The following CCDC171 variants were observed in gnomAD, a reference collection of about 807,000 sequenced individuals.
CCDC171 encodes the protein coiled-coil domain containing 171.
CCDC171 carries 177 observed loss-of-function variants against 168.2 expected under a neutral mutation model. The ratio of observed to expected loss-of-function variants is 1.05; its 90% CI spans 0.93 to 1.19. The LOEUF (loss-of-function observed/expected upper bound fraction) is 1.19, where lower values mean the gene tolerates loss of function less well. Among genes scored for constraint, CCDC171 ranks in the 50% most tolerant of loss-of-function variants. The pLI, the probability that CCDC171 is intolerant of heterozygous loss-of-function variation, is 0.00. For synonymous variants in CCDC171, 687 were observed against 540.8 expected, an observed-to-expected ratio of 1.27 and a Z score of -3.75; for missense variants, 1,991 against 1,539.0, an observed-to-expected ratio of 1.29 and a Z score of -4.91.
chr9:15,744,074 A>G (rs1373486128), intron 16 of CCDC171, among the ~76,000 whole-genome samples, 199 bp from the exon 17 acceptor site: 1 of 152,234 alleles, frequency 6.6e-6, no homozygotes, highest in East Asian at 1.9e-4. Context: ...TTTAAAAATC[A>G]ATGTGCACAT....
chr9:15,968,772 C>G (rs777538842), intron 25 of CCDC171, among the ~76,000 whole-genome samples: 9 of 152,158 alleles, frequency 5.9e-5, no homozygotes, highest in Non-Finnish European at 1.2e-4. Context: ...TTCCTGACCT[C>G]AGGTGATCCA....
chr9:15,789,051 G>C (rs575820142), intron 21 of CCDC171, among the ~76,000 whole-genome samples: 40 of 152,194 alleles, frequency 2.6e-4, no homozygotes, highest in African/African-American at 7.2e-4. Flanking sequence ...TCAAACGTCA[G>C]TATGTGGAAA....
chr9:15,711,318 C>T (rs1326856005), intron 11 of CCDC171, among the ~76,000 whole-genome samples: 1 of 152,064 alleles, frequency 6.6e-6, no homozygotes, highest in Non-Finnish European at 1.5e-5. Context: ...ACTTTAAATT[C>T]TTCATCTTGT....
intron 23 of CCDC171, among the ~76,000 whole-genome samples, chr9:15,863,612 A>G (rs1373494989): frequency 2.0e-5 from 3 of 151,656 alleles, no homozygotes; most frequent in Admixed American, 6.6e-5. Context: ...TTTGGAAGAC[A>G]TTGTTCTCAT....
chr9:15,863,371 A>G (rs775072166), intron 23 of CCDC171, among the ~76,000 whole-genome samples: 8 of 152,010 alleles, frequency 5.3e-5, no homozygotes, highest in Non-Finnish European at 1.5e-5. Flanking sequence ...GGGAATTGAT[A>G]TGTGCCATTG....
intron 23 of CCDC171, among the ~76,000 whole-genome samples, chr9:15,873,864 C>T (rs1366374797): frequency 6.6e-6 from 1 of 152,026 alleles, no homozygotes; most frequent in Non-Finnish European, 1.5e-5. Flanking sequence ...TTTCTGAATA[C>T]TTAAAATAGA....
downstream of CCDC171, among the ~76,000 whole-genome samples, chr9:16,064,700 C>T (rs976426223): frequency 6.6e-6 from 1 of 152,222 alleles, no homozygotes; most frequent in South Asian, 2.1e-4. Flanking sequence ...TTATTCACCT[C>T]TTATCATCTT....
At chr9:15,902,742 C>T (rs773107201) in intron 24 of CCDC171, among the ~76,000 whole-genome samples, 7 of 152,216 alleles carry the variant, frequency 4.6e-5, no homozygotes, top group Non-Finnish European at 8.8e-5. Flanking sequence ...GGCATCACCT[C>T]ACCTGGGAAG....
chr9:15,753,207 G>A (rs2055876439), intron 18 of CCDC171, among the ~76,000 whole-genome samples: 1 of 152,076 alleles, frequency 6.6e-6, no homozygotes, highest in African/African-American at 2.4e-5. Context: ...TGCTCATTGT[G>A]GGCTTATGAG....
intron 21 of CCDC171, among the ~76,000 whole-genome samples, chr9:15,829,097 C>G (rs1036011925): frequency 6.6e-6 from 1 of 152,200 alleles, no homozygotes. Flanking sequence ...TACATTCAGT[C>G]CTCACAGCAA....
At chr9:15,859,318 A>G (rs2061464008) in intron 23 of CCDC171, among the ~76,000 whole-genome samples, 1 of 151,782 alleles carries the variant, frequency 6.6e-6, no homozygotes. Flanking sequence ...TTAGATCTAT[A>G]TTCATCAGGG....
In CCDC171 at chr9:15,845,797, A is replaced by G. The variant is rs562435081; in HGVS notation, c.3268-905A>G. ...AAATTTTTTCGGCAAAGGAGTAAGA[A>G]GATTTTTAGTGCTAAGCGATCCTCT... On this transcript the variant is annotated intron_variant, in intron 21 of 25. Coordinates refer to ENST00000380701, the MANE Select transcript of CCDC171 (RefSeq NM_173550.4). 9.2e-5 allele frequency: 14 copies of G among 152,180 alleles called. No homozygotes were observed. In the East Asian group the frequency reaches 2.3e-3, roughly 25 times the overall value. The allele number at this position is 152,180 out of a possible 1,614,324, so 9.4% of individuals were successfully genotyped here.
intron 24 of CCDC171, among the ~76,000 whole-genome samples, chr9:15,884,260 G>A (rs1819087534): frequency 9.2e-6 from 1 of 108,864 alleles, no homozygotes; most frequent in South Asian, 3.6e-4. Flanking sequence ...TGCATCTTTG[G>A]GTGATTATGA....
intron 6 of CCDC171, among the ~76,000 whole-genome samples, chr9:15,616,067 C>G (rs2044061369): frequency 6.6e-6 from 1 of 152,216 alleles, no homozygotes; most frequent in African/African-American, 2.4e-5. Context: ...TCTCTTGCCT[C>G]AGCCTCCCGA....
intron 21 of CCDC171, among the ~76,000 whole-genome samples, chr9:15,799,099 T>C (rs941771751): frequency 7.1e-6 from 1 of 140,902 alleles, no homozygotes; most frequent in Non-Finnish European, 1.5e-5. Flanking sequence ...TTAAAGAAAT[T>C]TTAAAAATAA....
chr9:15,856,822 G>T (rs2061364029), intron 23 of CCDC171, among the ~76,000 whole-genome samples: 1 of 151,806 alleles, frequency 6.6e-6, no homozygotes, highest in Admixed American at 6.6e-5. Context: ...ACATTCCTTT[G>T]CTGTTGTGTA....
chr9:15,675,318 CTT>C (rs2049459996), intron 9 of CCDC171, among the ~76,000 whole-genome samples: 1 of 149,702 alleles, frequency 6.7e-6, no homozygotes, highest in Admixed American at 6.8e-5. Flanking sequence ...GGTCTTGACT[CTT>C]TATGCAATTT....
intron 3 of CCDC171, among the ~76,000 whole-genome samples, chr9:15,990,391 C>A (rs1832147910): frequency 6.6e-6 from 1 of 152,174 alleles, no homozygotes; most frequent in Non-Finnish European, 1.5e-5. Flanking sequence ...TTTTTGTCAC[C>A]ATCAAGCCTG....
chr9:16,081,784 A>G, the CCDC171 span, among the ~76,000 whole-genome samples: 1 of 152,094 alleles, frequency 6.6e-6, no homozygotes, highest in Non-Finnish European at 1.5e-5. Flanking sequence ...TTGCATGGGG[A>G]AAACTCAGAT....
Sources: gnomAD v4.1 joint callset for allele counts (sites outside exome capture counted in the v4.1 genomes callset) on GRCh38, gnomAD v4.1.1 for gene constraint, MANE v1.5 for transcripts, NCBI Gene and HGNC (gene_info 2026-07-23, HGNC 2026-07-21) for gene names.